Variants in LRRC37A2 observed in about 807,000 individuals in gnomAD.
LRRC37A2 encodes the protein leucine-rich repeat-containing protein 37A2.
A neutral mutation model predicts 68.8 loss-of-function variants in LRRC37A2; 9 were observed. The ratio of observed to expected loss-of-function variants is 0.13; its 90% CI spans 0.08 to 0.23. The LOEUF (loss-of-function observed/expected upper bound fraction) is 0.23, where lower values mean the gene tolerates loss of function less well. Among genes scored for constraint, LRRC37A2 ranks in the 10% least tolerant of loss-of-function variants. The pLI is 1.00. For synonymous variants in LRRC37A2, 63 were observed against 367.6 expected (o/e 0.17, Z 9.48); for missense variants, 168 against 950.4 (o/e 0.18, Z 10.82).
chr17:46,879,707 G>A, the LRRC37A2 span, among the ~76,000 whole-genome samples: 2 of 152,272 alleles, frequency 1.3e-5, no homozygotes, highest in South Asian at 2.1e-4. Context: ...CAGGCACTAC[G>A]GGCTGACCTG....
At chr17:46,850,397 G>C in the LRRC37A2 span, among the ~76,000 whole-genome samples, 1 of 152,122 alleles carries the variant, frequency 6.6e-6, no homozygotes, top group Non-Finnish European at 1.5e-5. Context: ...AGAGGTGGGG[G>C]CTTCCTCTGT....
the LRRC37A2 span, among the ~76,000 whole-genome samples, chr17:46,796,976 G>T: frequency 7.4e-3 from 1,124 of 152,266 alleles, 6 homozygotes; most frequent in Non-Finnish European, 0.012. Flanking sequence ...ACTGAAATAG[G>T]CAGGAGAATC....
the LRRC37A2 span, among the ~76,000 whole-genome samples, chr17:46,826,809 G>T: frequency 7.6e-6 from 1 of 132,182 alleles, no homozygotes; most frequent in Non-Finnish European, 1.6e-5. Context: ...TTGAGATGAA[G>T]TCTCGCTCTA....
At chr17:46,915,193 T>C in the LRRC37A2 span, among the ~76,000 whole-genome samples, 3 of 152,322 alleles carry the variant, frequency 2.0e-5, no homozygotes, top group South Asian at 4.1e-4. Flanking sequence ...AGCTGACAGA[T>C]AGACACAGAG....
At chr17:46,856,329 G>C in the LRRC37A2 span, among the ~76,000 whole-genome samples, 2 of 152,280 alleles carry the variant, frequency 1.3e-5, no homozygotes, top group East Asian at 3.9e-4. Context: ...TATGTGCTAA[G>C]TGCTCAGTCC....
chr17:46,870,681 C>A, the LRRC37A2 span, among the ~76,000 whole-genome samples: 3 of 152,220 alleles, frequency 2.0e-5, no homozygotes, highest in Non-Finnish European at 2.9e-5. Flanking sequence ...AGGCTTCCAA[C>A]TTCTGGGGCA....
At chr17:46,737,947 T>G in the LRRC37A2 span, among the ~76,000 whole-genome samples, 279 of 146,166 alleles carry the variant, frequency 1.9e-3, 1 homozygote, top group African/African-American at 6.9e-3. Flanking sequence ...ATTATTATTA[T>G]TATTAGAGAT....
the LRRC37A2 span, among the ~76,000 whole-genome samples, chr17:46,761,037 C>T: frequency 5.9e-5 from 9 of 152,122 alleles, no homozygotes; most frequent in Non-Finnish European, 8.8e-5. Context: ...TGTAGTCAAC[C>T]TGCATTAGCT....
chr17:46,871,521 C>A, the LRRC37A2 span, among the ~76,000 whole-genome samples: 1 of 152,098 alleles, frequency 6.6e-6, no homozygotes, highest in Non-Finnish European at 1.5e-5. Context: ...AAGCATCTTG[C>A]AAAATGAGGG....
chr17:46,989,764 G>C, the LRRC37A2 span, among the ~76,000 whole-genome samples: 2 of 152,246 alleles, frequency 1.3e-5, no homozygotes, highest in Non-Finnish European at 1.5e-5. Context: ...TCACTTTTGG[G>C]ACCCAGCTGC....
At chr17:46,891,776 C>T in the LRRC37A2 span, among the ~76,000 whole-genome samples, 6 of 152,296 alleles carry the variant, frequency 3.9e-5, no homozygotes, top group African/African-American at 1.4e-4. Flanking sequence ...CAGAGGACTC[C>T]CCTCTGCAGG....
chr17:46,966,202 C>T, the LRRC37A2 span, among the ~76,000 whole-genome samples: 3 of 152,150 alleles, frequency 2.0e-5, no homozygotes, highest in Admixed American at 1.3e-4. Flanking sequence ...ATCAACATCT[C>T]AAATAATGAG....
the LRRC37A2 span, chr17:47,017,752 C>A: frequency 6.2e-7 from 1 of 1,610,762 alleles, no homozygotes; most frequent in Non-Finnish European, 8.5e-7. Flanking sequence ...TATTCCAGTA[C>A]AGATACACCG....
chr17:46,757,636 ACAT>A, the LRRC37A2 span, among the ~76,000 whole-genome samples: 1 of 152,082 alleles, frequency 6.6e-6, no homozygotes. Context: ...TTATTTAAAA[ACAT>A]CATTAGAGTA....
the LRRC37A2 span, among the ~76,000 whole-genome samples, chr17:46,981,027 T>C: frequency 6.6e-6 from 1 of 152,254 alleles, no homozygotes; most frequent in Admixed American, 6.5e-5. Context: ...CAGGGGTGGT[T>C]TCTCACCCGT....
At chr17:47,024,991 A>T in the LRRC37A2 span, among the ~76,000 whole-genome samples, 1 of 150,866 alleles carries the variant, frequency 6.6e-6, no homozygotes, top group Non-Finnish European at 1.5e-5. Flanking sequence ...CTGAGCAGTG[A>T]CTGACACCCA....
the LRRC37A2 span, among the ~76,000 whole-genome samples, chr17:46,752,361 A>G: frequency 6.6e-6 from 1 of 152,176 alleles, no homozygotes; most frequent in East Asian, 1.9e-4. Flanking sequence ...CCTCCCTATC[A>G]AGCCCTATGA....
the LRRC37A2 span, among the ~76,000 whole-genome samples, chr17:46,811,720 C>T: frequency 1.3e-5 from 2 of 152,206 alleles, no homozygotes; most frequent in East Asian, 1.9e-4. Context: ...TTTGGGAGGC[C>T]GAGGCGGGTG....
chr17:46,919,899 A>G, the LRRC37A2 span, among the ~76,000 whole-genome samples: 8 of 152,182 alleles, frequency 5.3e-5, no homozygotes, highest in Non-Finnish European at 8.8e-5. Flanking sequence ...GTGAACCAAG[A>G]TTGCACCATT....
Sources: gnomAD v4.1 joint callset for allele counts (sites outside exome capture counted in the v4.1 genomes callset) on GRCh38, gnomAD v4.1.1 for gene constraint, MANE v1.5 for transcripts, NCBI Gene and HGNC (gene_info 2026-07-23, HGNC 2026-07-21) for gene names.